FBRSL1: variants seen among roughly 807,000 people sequenced by gnomAD.
The protein encoded by FBRSL1 is fibrosin-1-like protein.
FBRSL1 carries 51 observed loss-of-function variants against 89.6 expected under a neutral mutation model. The observed-to-expected ratio is 0.57, with a 90% CI of 0.45 to 0.72. FBRSL1 has a LOEUF of 0.72. Ranked by LOEUF, FBRSL1 falls within the 30% of genes least tolerant of loss-of-function variation. The pLI, the probability that FBRSL1 is intolerant of heterozygous loss-of-function variation, is 0.00. For missense variants in FBRSL1, 1,618 were observed against 1,451.8 expected, an observed-to-expected ratio of 1.11 and a Z score of -1.86; for synonymous variants, 779 against 681.1, an observed-to-expected ratio of 1.14 and a Z score of -2.24.
At chr12:132,498,350 G>A (rs977731944) in intron 1 of FBRSL1, among the ~76,000 whole-genome samples, 1 of 152,178 alleles carries the variant, frequency 6.6e-6, no homozygotes. Flanking sequence ...TTGCAGAGGC[G>A]CCGCAGCAGC....
At chr12:132,581,663 A>G (rs2040758060) in intron 16 of FBRSL1, 78 bp from the exon 17 acceptor site, 1 of 1,504,546 alleles carries the variant, frequency 6.6e-7, no homozygotes, top group Admixed American at 2.0e-5. Context: ...CAAAGCCTCT[A>G]CAGCAGCCCC....
In FBRSL1 at chr12:132,493,080, A is replaced by T. The variant is rs143302114; in HGVS notation, c.291+2219A>T. ...GGATGCCCCCATTCCACAGATGGGG[A>T]CCTTGAGGCTCCCCATTGAGGCAGA... On this transcript the variant is annotated intron_variant, in intron 1 of 18. Transcript: ENST00000680143. Among the ~76,000 whole-genome samples the T allele has an allele frequency of 6.6e-3, 1,009 of 152,280 alleles. 5 individuals carry two copies. Among genetic ancestry groups the T allele is most frequent in the Non-Finnish European group, 0.011 (781 of 68,010 alleles).
intron 18 of FBRSL1, 134 bp downstream of exon 18, chr12:132,582,400 C>CA: frequency 6.3e-6 from 4 of 631,428 alleles, no homozygotes; most frequent in Non-Finnish European, 1.1e-5. Context: ...CCCCCTCCCC[C>CA]TGTTCCCCTT....
Position 132,582,175 on chromosome 12 carries a change from C to G in FBRSL1, c.2110C>G (p.Pro704Ala). 6.5e-7 allele frequency: 1 copy of G among 1,550,084 alleles called. No homozygotes were observed. Among genetic ancestry groups the G allele is most frequent in the Non-Finnish European group, 8.7e-7 (1 of 1,146,808 alleles). The change falls in exon 18 of 19, where the codon CCC becomes GCC. Residue 704 changes from proline (P) to alanine (A), a missense_variant. Coordinates refer to ENST00000680143, the MANE Select transcript of FBRSL1 (RefSeq NM_001367871.1). ...GGCACCGCCCTCCTTCCCGGCTCCG[C>G]CCCCGTGGCCCAAGTCCGTGGACGC... ...HRAPPSFPAP[P>A]PWPKSVDAER... is the part of the protein sequence containing the mutation.
chr12:132,572,615 A>C lies in FBRSL1; in HGVS notation c.1523A>C (p.Gln508Pro). The change falls in exon 11 of 19, where the codon CAG becomes CCG. Residue 508 changes from glutamine to proline, a missense_variant. Physicochemically the swap from Gln to Pro is moderately conservative, Grantham distance 76 (BLOSUM62 -1). Transcript: ENST00000680143. ...TTCGGGTCCCTGCAGGGCGCTTTTC[A>C]GCCTAAGGTACCGCTGCCCCTGGCA... ...GPFGSLQGAF[Q>P]PKTSSPIEVA... is the part of the protein sequence containing the mutation. The C allele has an allele frequency of 6.5e-7, 1 of 1,549,650 alleles. No homozygotes were observed. Among genetic ancestry groups the C allele is most frequent in the Non-Finnish European group, 8.7e-7 (1 of 1,146,250 alleles).
intron 1 of FBRSL1, among the ~76,000 whole-genome samples, chr12:132,504,616 G>GA (rs1446287836): frequency 6.6e-6 from 1 of 152,150 alleles, no homozygotes; most frequent in Non-Finnish European, 1.5e-5. Context: ...CCTGTGGGGG[G>GA]TTCAAGGCCT....
chr12:132,573,214 C>G (rs2040161234), intron 11 of FBRSL1, among the ~76,000 whole-genome samples: 1 of 152,184 alleles, frequency 6.6e-6, no homozygotes, highest in Non-Finnish European at 1.5e-5. Flanking sequence ...ACCTGTGGGC[C>G]TCAGGTTCTG....
At chr12:132,567,979 C>T (rs549878862) in intron 6 of FBRSL1, among the ~76,000 whole-genome samples, 44 of 152,310 alleles carry the variant, frequency 2.9e-4, no homozygotes, top group African/African-American at 9.4e-4. Flanking sequence ...GCCAGGCCTT[C>T]GAAACCTGTG....
intron 1 of FBRSL1, among the ~76,000 whole-genome samples, chr12:132,497,270 C>A (rs886804873): frequency 6.6e-6 from 1 of 152,120 alleles, no homozygotes; most frequent in Non-Finnish European, 1.5e-5. Flanking sequence ...GGGGTGGGGA[C>A]ACGGGTAATG....
In FBRSL1 at chr12:132,509,933, G is replaced by A. The variant is rs1415497189; in HGVS notation, c.489+1583G>A. Reference sequence around the variant, plus strand: ...GGCGGGCCTTCCTAGCCCCGTGTCAGTACGGCCAGCCCCGAAGGTCCCTGC... The same window carrying A: ...GGCGGGCCTTCCTAGCCCCGTGTCAATACGGCCAGCCCCGAAGGTCCCTGC... On this transcript the variant is annotated intron_variant, in intron 2 of 18. Coordinates refer to ENST00000680143, the MANE Select transcript of FBRSL1 (RefSeq NM_001367871.1). The A allele has an allele frequency of 4.1e-6, 5 of 1,231,224 alleles. No individual in the cohort carries two copies. In the African/African-American group the frequency reaches 6.2e-5, roughly 15 times the overall value. The allele number at this position is 1,231,224 out of a possible 1,614,324, so 76.3% of individuals were successfully genotyped here.
intron 5 of FBRSL1, chr12:132,565,770 A>T (rs1358255474): frequency 6.6e-6 from 1 of 152,228 alleles, no homozygotes; most frequent in African/African-American, 2.4e-5. Context: ...TCCAGGGTAC[A>T]CACTGCAGTG....
intron 1 of FBRSL1, among the ~76,000 whole-genome samples, chr12:132,495,397 G>A (rs1263984188): frequency 1.3e-5 from 2 of 152,248 alleles, no homozygotes; most frequent in African/African-American, 4.8e-5. Flanking sequence ...TGTTGGTGGT[G>A]CCAGTGGGGG....
At chr12:132,536,378 G>A (rs1290655367) in intron 4 of FBRSL1, among the ~76,000 whole-genome samples, 1 of 151,962 alleles carries the variant, frequency 6.6e-6, no homozygotes, top group East Asian at 1.9e-4. Flanking sequence ...ATGATGGTGT[G>A]TGTGCCATGT....
At chr12:132,564,619 CCGAG>C (rs2039438892) in intron 5 of FBRSL1, among the ~76,000 whole-genome samples, 1 of 128,014 alleles carries the variant, frequency 7.8e-6, no homozygotes, top group African/African-American at 3.0e-5. Flanking sequence ...CCTCAGCCTC[CCGAG>C]TAGCTGGGAC....
At chr12:132,574,735 G>A (rs1416599055) in intron 14 of FBRSL1, among the ~76,000 whole-genome samples, 171 bp downstream of exon 14, 3 of 152,082 alleles carry the variant, frequency 2.0e-5, no homozygotes, top group Non-Finnish European at 2.9e-5. Flanking sequence ...CCGTAAGCAG[G>A]TCAGCGAGGC....
rs558484184 is a variant in FBRSL1, at chr12:132,564,777, C to G, written c.646-2704C>G. On this transcript the variant is annotated intron_variant, in intron 5 of 18. Transcript: ENST00000680143. The stretch of plus-strand genomic sequence containing the variant: ...CCCGAGTAGCTGGGACTACAGGCGC[C>G]CGCCACCACGCCCGGCTAATTTTTT... Among the ~76,000 whole-genome samples, 5 of 111,040 alleles carry G rather than the reference C, an allele frequency of 4.5e-5. No individual in the cohort carries two copies. In the East Asian group the frequency reaches 1.6e-3, roughly 35 times the overall value. 72.8% of individuals were successfully genotyped at this position (111,040 alleles called of 152,430 possible).
chr12:132,575,730 G>A (rs1051652142), intron 14 of FBRSL1, among the ~76,000 whole-genome samples: 6 of 152,280 alleles, frequency 3.9e-5, no homozygotes, highest in Admixed American at 2.0e-4. Flanking sequence ...GGGAGAGGGC[G>A]CACACAGGGT....
intron 14 of FBRSL1, 26 bp downstream of exon 14, chr12:132,574,590 G>T (rs1371106177): frequency 1.3e-6 from 2 of 1,544,430 alleles, no homozygotes; most frequent in Non-Finnish European, 1.7e-6. Flanking sequence ...CTGGGGCAGG[G>T]CGCTTGTGAA....
chr12:132,493,709 C>G (rs1339098475), intron 1 of FBRSL1, among the ~76,000 whole-genome samples: 1 of 152,140 alleles, frequency 6.6e-6, no homozygotes, highest in East Asian at 1.9e-4. Flanking sequence ...GGCCCCCGCC[C>G]CCTTTGTGTA....
Sources: gnomAD v4.1 joint callset for allele counts (sites outside exome capture counted in the v4.1 genomes callset) on GRCh38, gnomAD v4.1.1 for gene constraint, MANE v1.5 for transcripts, NCBI Gene and HGNC (gene_info 2026-07-23, HGNC 2026-07-21) for gene names.